The following DPH6 variants were observed in gnomAD, a reference collection of about 807,000 sequenced individuals.
DPH6 encodes diphthine--ammonia ligase.
A neutral mutation model predicts 38.2 loss-of-function variants in DPH6; 33 were observed. The observed-to-expected ratio is 0.86, with a 90% CI of 0.65 to 1.15. DPH6 has a LOEUF of 1.15. DPH6 is among the 50% of genes most tolerant of loss of function. The probability of loss-of-function intolerance (pLI) is 0.00; values close to 1 mark genes in which losing one functional copy is unlikely to be tolerated. For synonymous variants in DPH6, 108 were observed against 103.0 expected (o/e 1.05, Z -0.30); for missense variants, 325 against 320.0 (o/e 1.02, Z -0.12).
chr15:35,349,430 T>TTTTTG (rs954719403), intron 3 of DPH6, among the ~76,000 whole-genome samples: 3 of 152,076 alleles, frequency 2.0e-5, no homozygotes, highest in Non-Finnish European at 2.9e-5. Context: ...ATTGTTTGTT[T>TTTTTG]TTTTGTTTTG....
the DPH6 span, among the ~76,000 whole-genome samples, chr15:35,207,955 C>T: frequency 6.6e-6 from 1 of 152,086 alleles, no homozygotes. Context: ...TAGAAATTAC[C>T]TTTATTTTTC....
At chr15:35,467,957 T>C (rs896688908) in intron 3 of DPH6, among the ~76,000 whole-genome samples, 3 of 152,350 alleles carry the variant, frequency 2.0e-5, no homozygotes, top group East Asian at 3.9e-4. Context: ...ATTATAATCT[T>C]ACGGAAACAC....
At chr15:35,152,669 T>C in the DPH6 span, among the ~76,000 whole-genome samples, 1 of 152,144 alleles carries the variant, frequency 6.6e-6, no homozygotes, top group Non-Finnish European at 1.5e-5. Flanking sequence ...CTGGCTAATT[T>C]TGTATTTTTA....
the DPH6 span, among the ~76,000 whole-genome samples, chr15:35,202,902 A>G: frequency 8.6e-5 from 13 of 151,852 alleles, no homozygotes; most frequent in South Asian, 2.5e-3. Flanking sequence ...AACAGAGTCA[A>G]TGTCCTGAAA....
chr15:35,235,819 A>G (rs1037910408), intron 3 of DPH6, among the ~76,000 whole-genome samples: 4 of 152,218 alleles, frequency 2.6e-5, no homozygotes, highest in African/African-American at 9.6e-5. Context: ...ACTGTGGTAG[A>G]TTTGCTATCT....
chr15:35,521,549 G>C (rs2054922943), intron 3 of DPH6: 2 of 1,224,506 alleles, frequency 1.6e-6, no homozygotes, highest in African/African-American at 3.1e-5. Flanking sequence ...AGAAATCTAA[G>C]AGAAAGTGTC....
chr15:35,273,467 G>A (rs549000773), intron 3 of DPH6, among the ~76,000 whole-genome samples: 4 of 152,220 alleles, frequency 2.6e-5, no homozygotes, highest in South Asian at 2.1e-4. Context: ...GTCTGTTTGC[G>A]GACTACATGG....
chr15:35,518,236 A>C (rs2054874047), intron 3 of DPH6, among the ~76,000 whole-genome samples: 1 of 152,070 alleles, frequency 6.6e-6, no homozygotes, highest in South Asian at 2.1e-4. Context: ...TGTAAGGACC[A>C]AGTGGCTTTT....
At position 35,226,453 on chromosome 15, in the gene DPH6, A is replaced by G. The variant is rs151006421; in HGVS notation, n.201-5871T>C. Among the ~76,000 whole-genome samples the G allele has an allele frequency of 3.1e-4, 47 of 152,320 alleles. No homozygotes were observed. The East Asian group carries it at 8.9e-3, about 29-fold the overall frequency. ...TACATTTAAAAAAAATAGGTAAAGA[A>G]AAGTGCAGCACAACTATAGTTGTAT... is the stretch of plus-strand genomic sequence containing the variant. On this transcript the variant is annotated intron_variant and non_coding_transcript_variant, in intron 3 of 3. Coordinates refer to the DPH6 transcript ENST00000560386.
the DPH6 span, among the ~76,000 whole-genome samples, chr15:35,189,775 TA>T: frequency 1.3e-5 from 2 of 152,180 alleles, no homozygotes; most frequent in East Asian, 1.9e-4. Flanking sequence ...ATACAAAATA[TA>T]AAAAAAGAAG....
chr15:35,530,773 C>A (rs1000264348), intron 3 of DPH6, among the ~76,000 whole-genome samples: 1 of 152,180 alleles, frequency 6.6e-6, no homozygotes, highest in Admixed American at 6.5e-5. Flanking sequence ...CCAGACAGAT[C>A]TTCCTTCATG....
At chr15:35,207,587 AACTAAATTAAAAAC>A in the DPH6 span, among the ~76,000 whole-genome samples, 14 of 152,182 alleles carry the variant, frequency 9.2e-5, no homozygotes, top group Non-Finnish European at 1.9e-4. Context: ...AGGCAGGGGT[AACTAAATTAAAAAC>A]ACTTTTCTTT....
intron 3 of DPH6, among the ~76,000 whole-genome samples, chr15:35,275,345 T>C (rs2051850611): frequency 6.6e-6 from 1 of 152,138 alleles, no homozygotes; most frequent in Admixed American, 6.5e-5. Flanking sequence ...ATGTGGCACA[T>C]ATACACCATG....
At chr15:35,298,129 G>T in intron 3 of DPH6, 1 of 342,454 alleles carries the variant, frequency 2.9e-6, no homozygotes, top group South Asian at 2.6e-5. Context: ...TATCTTACAA[G>T]TCCCTCCAAG....
At chr15:35,298,937 G>A (rs1195746881) in intron 3 of DPH6, 5 of 790,720 alleles carry the variant, frequency 6.3e-6, no homozygotes, top group African/African-American at 3.4e-5. Flanking sequence ...TGGCAGCTCC[G>A]CCCATACTTG....
the DPH6 span, among the ~76,000 whole-genome samples, chr15:35,207,002 T>C: frequency 7.0e-6 from 1 of 142,782 alleles, no homozygotes; most frequent in African/African-American, 2.5e-5. Flanking sequence ...CACAAGATAA[T>C]ACTTAATTTG....
At chr15:35,214,454 T>G (rs776236818), downstream of DPH6, among the ~76,000 whole-genome samples, 3 of 152,190 alleles carry the variant, frequency 2.0e-5, no homozygotes, top group Admixed American at 6.5e-5. Flanking sequence ...CCTTGGAATC[T>G]TCCTCTAATC....
intron 3 of DPH6, among the ~76,000 whole-genome samples, chr15:35,455,706 A>G (rs769864568): frequency 1.3e-5 from 2 of 152,172 alleles, no homozygotes; most frequent in Admixed American, 6.5e-5. Context: ...TAGAAAACAG[A>G]TATGAAGAAA....
chr15:35,448,730 A>G (rs1490363921), intron 5 of DPH6, among the ~76,000 whole-genome samples: 1 of 152,168 alleles, frequency 6.6e-6, no homozygotes, highest in East Asian at 1.9e-4. Context: ...ACTACAATAA[A>G]AATAAACACA....
Sources: gnomAD v4.1 joint callset for allele counts (sites outside exome capture counted in the v4.1 genomes callset) on GRCh38, gnomAD v4.1.1 for gene constraint, MANE v1.5 for transcripts, NCBI Gene and HGNC (gene_info 2026-07-23, HGNC 2026-07-21) for gene names.